Variants in POU2F1 observed in about 807,000 individuals in gnomAD.
POU2F1 encodes the protein POU domain, class 2, transcription factor 1.
POU2F1 carries 16 observed loss-of-function variants against 84.9 expected under a neutral mutation model. The observed-to-expected ratio is 0.19, with a 90% CI of 0.13 to 0.29. POU2F1 has a LOEUF of 0.29. Ranked by LOEUF, POU2F1 falls within the 10% of genes least tolerant of loss-of-function variation. POU2F1 has a pLI of 1.00. For missense variants in POU2F1, 738 were observed against 942.6 expected, an observed-to-expected ratio of 0.78 and a Z score of 2.84; for synonymous variants, 368 against 368.3, an observed-to-expected ratio of 1.00 and a Z score of 0.01.
chr1:167,263,017 C>G (rs1391639706), intron 1 of POU2F1, among the ~76,000 whole-genome samples: 2 of 152,126 alleles, frequency 1.3e-5, no homozygotes, highest in Admixed American at 1.3e-4. Context: ...GTAATATGAT[C>G]TGAGCCATAC....
intron 1 of POU2F1, among the ~76,000 whole-genome samples, chr1:167,268,989 G>A (rs1356004608): frequency 6.6e-6 from 1 of 152,160 alleles, no homozygotes; most frequent in African/African-American, 2.4e-5. Flanking sequence ...AGGCAGGTGG[G>A]AATAAATTTA....
chr1:167,285,668 T>G (rs539290684), intron 1 of POU2F1, among the ~76,000 whole-genome samples: 2 of 152,306 alleles, frequency 1.3e-5, no homozygotes, highest in Non-Finnish European at 2.9e-5. Context: ...ATATCAGAGT[T>G]CAAGCCCAGT....
intron 2 of POU2F1, among the ~76,000 whole-genome samples, chr1:167,356,037 T>A (rs1392386082): frequency 2.6e-5 from 4 of 151,724 alleles, no homozygotes; most frequent in African/African-American, 4.8e-5. Context: ...AGCCTCGACT[T>A]CCCTCAGATC....
At chr1:167,370,350 C>T in intron 4 of POU2F1, 136 bp downstream of exon 4, 1 of 682,082 alleles carries the variant, frequency 1.5e-6, no homozygotes, top group Non-Finnish European at 2.2e-6. Context: ...CGTGAAGATT[C>T]AAATAATGAT....
In POU2F1 at chr1:167,399,236, T is replaced by C; in HGVS notation, c.1320T>C (p.Asn440=). The C allele has an allele frequency of 6.2e-7, 1 of 1,613,918 alleles. No individual in the cohort carries two copies. The highest frequency in any genetic ancestry group is 1.6e-4 in the Middle Eastern group (1 of 6,062). ...EEITMIADQL[N]MEKEVIRVWF... ...TCACTATGATTGCTGATCAGCTCAA[T>C]ATGGAAAAAGAGGTGATTCGTGTTT... Residue 440 remains asparagine, a synonymous_variant, in exon 12 of 16, where the codon AAT becomes AAC. Coordinates refer to ENST00000367866, the MANE Select transcript of POU2F1 (RefSeq NM_002697.4).
chr1:167,233,913 A>T (rs545124137), intron 1 of POU2F1, among the ~76,000 whole-genome samples: 6 of 152,222 alleles, frequency 3.9e-5, no homozygotes, highest in Non-Finnish European at 8.8e-5. Context: ...TCTTTGTGCC[A>T]GTTGTTGTAC....
chr1:167,229,894 T>A (rs1253847353), intron 1 of POU2F1, among the ~76,000 whole-genome samples: 2 of 152,202 alleles, frequency 1.3e-5, no homozygotes, highest in Non-Finnish European at 2.9e-5. Context: ...TTACCTTGAT[T>A]TCAGGGCATT....
intron 13 of POU2F1, among the ~76,000 whole-genome samples, chr1:167,406,642 G>A (rs1035288885): frequency 9.9e-5 from 15 of 152,050 alleles, no homozygotes; most frequent in Non-Finnish European, 2.1e-4. Flanking sequence ...AAGGTATCTA[G>A]GACTAATCAA....
intron 8 of POU2F1, among the ~76,000 whole-genome samples, 153 bp from the exon 9 acceptor site, chr1:167,389,430 CTGCTT>C (rs1285942130): frequency 4.6e-5 from 7 of 152,146 alleles, no homozygotes; most frequent in Non-Finnish European, 7.3e-5. Context: ...ATTTCACTGT[CTGCTT>C]TGCTCACTGA....
In POU2F1 at chr1:167,374,124, C is replaced by T. The variant is rs1338638381; in HGVS notation, c.419C>T (p.Ala140Val). ...TTTGTTTAGCTTACTTTGACGCCTG[C>T]CCAGCAACAGTTACTACTCCAGCAG... The part of the protein sequence containing the change: ...GQITGLTLTP[A>V]QQQLLLQQAQ... The change falls in exon 6 of 16, where the codon GCC (alanine) becomes GTC (valine). Residue 140 changes from alanine to valine, a missense_variant. Ala to Val is a moderately conservative substitution (Grantham distance 64). This residue lies in a region of POU2F1 where 163 missense variants were observed against 214.4 expected (regional missense o/e 0.76). Transcript: ENST00000367866. 3.1e-6 allele frequency: 5 copies of T among 1,614,092 alleles called. No individual in the cohort carries two copies. The highest frequency in any genetic ancestry group is 4.2e-6 in the Non-Finnish European group (5 of 1,179,992).
chr1:167,248,027 G>GAT lies in POU2F1; in HGVS notation c.61+27069_61+27070insAT, dbSNP rs771273702. Among the ~76,000 whole-genome samples the GAT allele has an allele frequency of 2.0e-5, 3 of 152,174 alleles. No homozygotes were observed. In the East Asian group the frequency reaches 5.8e-4, roughly 29 times the overall value. ...AAGAGGTGTGTAGTTGGAAGTTAAT[G>GAT]TATTTTTCTTTACAGAGTATACAGC... On this transcript the variant is annotated intron_variant, in intron 1 of 15. Transcript: ENST00000367866.
intron 1 of POU2F1, among the ~76,000 whole-genome samples, chr1:167,231,884 T>C (rs552883092): frequency 6.6e-6 from 1 of 152,258 alleles, no homozygotes; most frequent in East Asian, 1.9e-4. Context: ...AGAAGTGGAA[T>C]TGAAAATGTT....
intron 1 of POU2F1, among the ~76,000 whole-genome samples, chr1:167,324,276 A>G (rs538801160): frequency 1.5e-5 from 2 of 130,380 alleles, no homozygotes; most frequent in East Asian, 3.9e-4. Flanking sequence ...AGTCAATTTA[A>G]TAGGTTGAAG....
intron 15 of POU2F1, chr1:167,414,517 A>AG (rs1338930177): frequency 9.1e-6 from 9 of 985,312 alleles, no homozygotes; most frequent in Non-Finnish European, 1.1e-5. Context: ...ATCTACATGT[A>AG]GGAGTGAGGT....
At chr1:167,244,668 T>C (rs542657819) in intron 1 of POU2F1, among the ~76,000 whole-genome samples, 2 of 152,310 alleles carry the variant, frequency 1.3e-5, no homozygotes, top group Admixed American at 6.5e-5. Flanking sequence ...TCATGAATCA[T>C]TGGATGGCCA....
chr1:167,247,975 A>G (rs1173914993), intron 1 of POU2F1, among the ~76,000 whole-genome samples: 2 of 152,226 alleles, frequency 1.3e-5, no homozygotes, highest in Non-Finnish European at 2.9e-5. Flanking sequence ...TCTTTTTCTA[A>G]TAATAGAATG....
chr1:167,368,975 T>C (rs933659689), intron 3 of POU2F1, among the ~76,000 whole-genome samples: 1 of 152,176 alleles, frequency 6.6e-6, no homozygotes. Context: ...TCTCTTTTTT[T>C]AATCTAAATC....
intron 2 of POU2F1, among the ~76,000 whole-genome samples, chr1:167,350,666 T>C (rs1571347221): frequency 8.1e-6 from 1 of 123,710 alleles, no homozygotes; most frequent in African/African-American, 3.3e-5. Context: ...AGAGCAAGAC[T>C]CCATCTCAAA....
chr1:167,334,799 C>T (rs1657328531), intron 2 of POU2F1, among the ~76,000 whole-genome samples: 1 of 152,166 alleles, frequency 6.6e-6, no homozygotes, highest in Non-Finnish European at 1.5e-5. Context: ...AGCCTTCAGA[C>T]TCTTGAGTTG....
Sources: gnomAD v4.1 joint callset for allele counts (sites outside exome capture counted in the v4.1 genomes callset) on GRCh38, gnomAD v4.1.1 for gene constraint, gnomAD v4.1.1 regional missense constraint, MANE v1.5 for transcripts, NCBI Gene and HGNC (gene_info 2026-07-23, HGNC 2026-07-21) for gene names.